CMTM8: variants seen among roughly 807,000 people sequenced by gnomAD.
CMTM8 encodes the protein CKLF-like MARVEL transmembrane domain-containing protein 8.
In CMTM8, 12 loss-of-function variants were observed where a neutral mutation model predicts 18.6. The ratio of observed to expected loss-of-function variants is 0.65; its 90% confidence interval spans 0.41 to 1.05. The LOEUF is 1.05. Ranked by LOEUF, CMTM8 falls within the 50% of genes least tolerant of loss-of-function variation. CMTM8 has a pLI of 0.00. For synonymous variants in CMTM8, 87 were observed against 90.6 expected (o/e 0.96, Z 0.23); for missense variants, 217 against 227.2 (o/e 0.95, Z 0.29).
chr3:32,368,806 AGTGT>A, intron 3 of CMTM8, among the ~76,000 whole-genome samples: 1 of 146,536 alleles, frequency 6.8e-6, no homozygotes, highest in East Asian at 2.1e-4. Flanking sequence ...TTAAACCATA[AGTGT>A]GTATTATTTT....
At position 32,351,703 on chromosome 3, in the gene CMTM8, C is replaced by A. The variant is rs573307797; in HGVS notation, c.148-5670C>A. 1.4e-4 allele frequency among the ~76,000 whole-genome samples: 21 copies of A among 149,002 alleles called. No homozygotes were observed. In the East Asian group the frequency reaches 4.1e-3, roughly 29 times the overall value. On this transcript the variant is annotated intron_variant, in intron 1 of 3. Transcript: ENST00000307526. ...CTCCAGCCTGGGCAACAGAGTGAGA[C>A]CCTGTCTCAAAAAAAAAAAATATGT...
chr3:32,281,898 G>A (rs1049351622), intron 1 of CMTM8, among the ~76,000 whole-genome samples: 6 of 151,330 alleles, frequency 4.0e-5, no homozygotes, highest in African/African-American at 1.5e-4. Context: ...TTATCTCACT[G>A]GATGTGTACC....
At chr3:32,333,935 AG>A (rs1252955527) in intron 1 of CMTM8, among the ~76,000 whole-genome samples, 1 of 151,990 alleles carries the variant, frequency 6.6e-6, no homozygotes, top group Non-Finnish European at 1.5e-5. Flanking sequence ...GGAGGAGAGA[AG>A]GGGATATGTG....
rs1375144818 is a variant in CMTM8 at position 32,315,443 on chromosome 3, CTT to C, written c.148-41928_148-41927del. Among the ~76,000 whole-genome samples, 5 of 152,248 alleles carry C rather than the reference CTT, an allele frequency of 3.3e-5. No individual in the cohort carries two copies. The East Asian group carries it at 9.7e-4, about 29-fold the overall frequency. ...CCACGCCCAGCCCTGTTTTCAAAGA[CTT>C]TGCAGTTCAAGGAAGAGATGCGGAC... is the stretch of plus-strand genomic sequence containing the variant. On this transcript the variant is annotated intron_variant, in intron 1 of 3. Coordinates refer to ENST00000307526, the MANE Select transcript of CMTM8 (RefSeq NM_178868.5).
chr3:32,306,088 C>T (rs1462471831), intron 1 of CMTM8, among the ~76,000 whole-genome samples: 4 of 152,016 alleles, frequency 2.6e-5, no homozygotes, highest in African/African-American at 9.7e-5. Flanking sequence ...ACTCCTTTTT[C>T]GTGAGTCTGT....
At chr3:32,269,847 A>G (rs561855298) in intron 1 of CMTM8, among the ~76,000 whole-genome samples, 1 of 152,236 alleles carries the variant, frequency 6.6e-6, no homozygotes, top group South Asian at 2.1e-4. Flanking sequence ...GCATGATCAT[A>G]GTTCACTCTA....
intron 1 of CMTM8, among the ~76,000 whole-genome samples, chr3:32,319,218 A>C (rs776913311): frequency 1.3e-5 from 2 of 150,096 alleles, no homozygotes; most frequent in Non-Finnish European, 3.0e-5. Flanking sequence ...AGCTGGGCTT[A>C]CAGGCACCCA....
In CMTM8 at chr3:32,298,898, TACAC is replaced by T. The variant is rs1212960579; in HGVS notation, c.148-58463_148-58460del. ...ACACACATACATATATATACACACA[TACAC>T]ACACACACACATACACACACACATA... On this transcript the variant is annotated intron_variant, in intron 1 of 3. Transcript: ENST00000307526. 1.1e-3 allele frequency among the ~76,000 whole-genome samples: 153 copies of T among 136,034 alleles called. 2 individuals carry two copies. The highest frequency in any genetic ancestry group is 4.9e-3 in the Admixed American group (65 of 13,292). 89.2% of individuals were successfully genotyped at this position (136,034 alleles called of 152,430 possible).
intron 3 of CMTM8, 47 bp downstream of exon 3, chr3:32,368,035 G>A (rs777343058): frequency 1.5e-6 from 2 of 1,324,724 alleles, no homozygotes; most frequent in East Asian, 4.6e-5. Context: ...CCCTCTCCAA[G>A]GCTTGCTTGG....
chr3:32,288,636 G>T (rs1202037714), intron 1 of CMTM8, among the ~76,000 whole-genome samples: 1 of 151,912 alleles, frequency 6.6e-6, no homozygotes, highest in Non-Finnish European at 1.5e-5. Context: ...GAGTAGCTAG[G>T]ACTACAGGCG....
At chr3:32,346,781 A>G (rs1696603111) in intron 1 of CMTM8, among the ~76,000 whole-genome samples, 1 of 150,474 alleles carries the variant, frequency 6.6e-6, no homozygotes, top group African/African-American at 2.4e-5. Flanking sequence ...CACCATCTAC[A>G]TGATTGAAGC....
intron 1 of CMTM8, among the ~76,000 whole-genome samples, chr3:32,248,828 G>A (rs1168495739): frequency 6.6e-6 from 1 of 151,838 alleles, no homozygotes; most frequent in Non-Finnish European, 1.5e-5. Flanking sequence ...GGGCCACTAT[G>A]CCTGGCTAAT....
chr3:32,347,964 A>G (rs1696632703), intron 1 of CMTM8, among the ~76,000 whole-genome samples: 1 of 152,048 alleles, frequency 6.6e-6, no homozygotes, highest in East Asian at 1.9e-4. Flanking sequence ...ATTTCCCTTC[A>G]TCCTGGGGAT....
chr3:32,341,828 G>A (rs1696502071), intron 1 of CMTM8, among the ~76,000 whole-genome samples: 2 of 152,226 alleles, frequency 1.3e-5, no homozygotes, highest in South Asian at 2.1e-4. Context: ...AGTGAGCCAA[G>A]GTTGCCGCTG....
At chr3:32,327,113 T>TAA (rs35018766) in intron 1 of CMTM8, among the ~76,000 whole-genome samples, 108 of 141,090 alleles carry the variant, frequency 7.7e-4, no homozygotes, top group African/African-American at 1.6e-3. Context: ...CTAGAAGAGT[T>TAA]AAAAAAAAAA....
intron 2 of CMTM8, among the ~76,000 whole-genome samples, chr3:32,365,305 A>G (rs1227258588): frequency 2.7e-5 from 4 of 150,562 alleles, no homozygotes; most frequent in African/African-American, 9.8e-5. Flanking sequence ...GTATTTGAGA[A>G]AAAAAAAAAG....
intron 1 of CMTM8, among the ~76,000 whole-genome samples, chr3:32,336,872 C>T (rs1268067112): frequency 6.6e-6 from 1 of 152,076 alleles, no homozygotes; most frequent in Non-Finnish European, 1.5e-5. Flanking sequence ...TGATTGAATA[C>T]CTGAGACTGG....
intron 1 of CMTM8, among the ~76,000 whole-genome samples, chr3:32,341,377 C>T (rs1191536876): frequency 2.6e-5 from 4 of 152,234 alleles, no homozygotes; most frequent in Admixed American, 2.6e-4. Flanking sequence ...CTGTCTCAAA[C>T]ACCAGCCTAT....
chr3:32,304,041 A>G (rs1355827496), intron 1 of CMTM8, among the ~76,000 whole-genome samples: 2 of 152,180 alleles, frequency 1.3e-5, no homozygotes, highest in African/African-American at 4.8e-5. Flanking sequence ...GGATCGACAG[A>G]TTTCTTTTAG....
Sources: allele counts gnomAD v4.1 joint callset (sites outside exome capture counted in the v4.1 genomes callset), GRCh38; gene constraint gnomAD v4.1.1; transcripts MANE v1.5; gene names NCBI Gene and HGNC (gene_info 2026-07-23, HGNC 2026-07-21).